The following LAMA2 variants were observed in gnomAD, a reference collection of about 807,000 sequenced individuals.
LAMA2 encodes the protein laminin subunit alpha 2.
A neutral mutation model predicts 364.8 loss-of-function variants in LAMA2; 269 were observed. The observed-to-expected ratio is 0.74, with a 90% CI of 0.67 to 0.82. The LOEUF (loss-of-function observed/expected upper bound fraction) is 0.82. Ranked by LOEUF, LAMA2 falls within the 40% of genes least tolerant of loss-of-function variation. LAMA2 has a pLI of 0.00. For synonymous variants in LAMA2, 1,379 were observed against 1,370.6 expected, an observed-to-expected ratio of 1.01 and a Z score of -0.14; for missense variants, 3,807 against 3,873.2, an observed-to-expected ratio of 0.98 and a Z score of 0.45.
intron 35 of LAMA2, 73 bp from the exon 36 acceptor site, chr6:129,391,418 C>A: frequency 8.0e-7 from 1 of 1,242,690 alleles, no homozygotes; most frequent in Non-Finnish European, 1.2e-6. Flanking sequence ...TGGTGCCCAG[C>A]AGATGCTGAA....
At chr6:129,028,527 A>T (rs1785995575) in intron 1 of LAMA2, among the ~76,000 whole-genome samples, 1 of 151,854 alleles carries the variant, frequency 6.6e-6, no homozygotes, top group African/African-American at 2.4e-5. Context: ...ACAAAGACAA[A>T]ATATATATCT....
Position 129,514,591 on chromosome 6 carries a change from C to T in LAMA2, c.9207C>T (p.Phe3069=). The T allele has an allele frequency of 6.2e-7, 1 of 1,613,232 alleles. No homozygotes were observed. Among genetic ancestry groups the T allele is most frequent in the Non-Finnish European group, 8.5e-7 (1 of 1,179,436 alleles). The change falls in exon 64 of 65, where the codon TTC becomes TTT. Residue 3069 remains phenylalanine, a synonymous_variant. Coordinates refer to ENST00000421865, the MANE Select transcript of LAMA2 (RefSeq NM_000426.4). ...ATGACCCTGTGTTTGTTGGAGGCTT[C>T]CCAGGTGAGTGTTGGCTACCCCAGC... ...DTNDPVFVGG[F]PDDLKQFGLT... is the part of the protein sequence containing the mutation.
intron 8 of LAMA2, 124 bp downstream of exon 8, chr6:129,154,807 A>G: frequency 1.3e-6 from 1 of 785,972 alleles, no homozygotes; most frequent in Non-Finnish European, 2.1e-6. Context: ...TTAAAAGGTA[A>G]GTAGGAACAT....
At chr6:129,397,226 C>T (rs1205656236) in intron 37 of LAMA2, among the ~76,000 whole-genome samples, 2 of 152,024 alleles carry the variant, frequency 1.3e-5, no homozygotes, top group South Asian at 2.1e-4. Flanking sequence ...TATACTTATG[C>T]CATACTTTTT....
At chr6:129,103,668 G>A (rs1450728770) in intron 4 of LAMA2, among the ~76,000 whole-genome samples, 1 of 152,076 alleles carries the variant, frequency 6.6e-6, no homozygotes, top group Non-Finnish European at 1.5e-5. Flanking sequence ...TGGGCTTCTG[G>A]ATTTTGGGAA....
Position 129,402,326 on chromosome 6 carries a change from T to C in LAMA2, c.5565T>C (p.Tyr1855=). The change falls in exon 39 of 65, where the codon TAT becomes TAC. Residue 1855 remains tyrosine, a splice_region_variant and synonymous_variant. Transcript: ENST00000421865. Reference sequence around the variant, plus strand: ...ATGCCCTCTTCTCTACATATCAGTATGTTGAAGACATCCAAACTAAATTGC... The same window carrying C: ...ATGCCCTCTTCTCTACATATCAGTACGTTGAAGACATCCAAACTAAATTGC... ...LADEINSIID[Y]VEDIQTKLPP... 6.2e-7 allele frequency: 1 copy of C among 1,613,170 alleles called. No individual in the cohort carries two copies. The highest frequency in any genetic ancestry group is 8.5e-7 in the Non-Finnish European group (1 of 1,179,282).
chr6:128,946,595 A>G lies in LAMA2; in HGVS notation c.112+63238A>G, dbSNP rs79168236. On this transcript the variant is annotated intron_variant, in intron 1 of 64. Coordinates refer to ENST00000421865, the MANE Select transcript of LAMA2 (RefSeq NM_000426.4). ...GTTCAACCGTCATAAATTGATGACT[A>G]TCTGTACCACCAAATAGCCCATTAC... Among the ~76,000 whole-genome samples, 860 of 152,336 alleles carry G rather than the reference A, an allele frequency of 5.6e-3. 10 individuals carry two copies. Among genetic ancestry groups the G allele is most frequent in the Non-Finnish European group, 8.3e-3 (568 of 68,030 alleles).
intron 1 of LAMA2, among the ~76,000 whole-genome samples, chr6:128,935,378 C>T (rs1779755840): frequency 6.6e-6 from 1 of 152,102 alleles, no homozygotes; most frequent in African/African-American, 2.4e-5. Flanking sequence ...ATCCATGTCC[C>T]TGCAAAGGAC....
At chr6:128,916,842 A>G (rs149985545) in intron 1 of LAMA2, among the ~76,000 whole-genome samples, 2 of 152,316 alleles carry the variant, frequency 1.3e-5, no homozygotes, top group Non-Finnish European at 2.9e-5. Flanking sequence ...TTGGCCCTCC[A>G]GCTGGATCTT....
intron 6 of LAMA2, among the ~76,000 whole-genome samples, chr6:129,147,416 C>A (rs1778533211): frequency 1.3e-5 from 2 of 149,448 alleles, no homozygotes; most frequent in African/African-American, 4.9e-5. Context: ...AAAATTAATG[C>A]AAATGAGTAA....
In LAMA2 at chr6:129,445,804, C is replaced by T. The variant is rs780662184; in HGVS notation, c.6412C>T (p.Arg2138Trp). ...GATAAAGGAATTGATAAACCAAGCT[C>T]GGAAACAAGCCAATTCTGTAAGTTC... is the stretch of plus-strand genomic sequence containing the variant. Reference protein sequence around the residue: ...SEIKELINQARKQANSIKVSV... With the variant: ...SEIKELINQAWKQANSIKVSV... Residue 2138 changes from arginine to tryptophan, a missense_variant, in exon 45 of 65, where the codon CGG becomes TGG. Arg to Trp is a moderately radical substitution (Grantham distance 101). Around this residue, in one of 3 missense-constraint regions of LAMA2, gnomAD observed 3,333 missense variants for 3,345.7 expected, o/e 1.00. Coordinates refer to ENST00000421865, the MANE Select transcript of LAMA2 (RefSeq NM_000426.4). The T allele has an allele frequency of 8.1e-6, 13 of 1,613,460 alleles. No homozygotes were observed. The highest frequency in any genetic ancestry group is 2.2e-5 in the South Asian group (2 of 91,044).
intron 56 of LAMA2, among the ~76,000 whole-genome samples, chr6:129,488,272 T>C (rs529056155): frequency 6.6e-6 from 1 of 152,082 alleles, no homozygotes; most frequent in Non-Finnish European, 1.5e-5. Context: ...ATCGCACCAC[T>C]GCACTCCAGC....
chr6:129,384,335 A>G (rs1247484829), intron 35 of LAMA2, among the ~76,000 whole-genome samples: 2 of 152,178 alleles, frequency 1.3e-5, no homozygotes, highest in East Asian at 3.9e-4. Flanking sequence ...CTGCAGGTAG[A>G]GCACCTTCAC....
rs73773662 is a variant in LAMA2, at chr6:129,072,728, A to G, written c.396+12832A>G. 5.7e-3 allele frequency among the ~76,000 whole-genome samples: 868 copies of G among 151,882 alleles called. 3 individuals carry two copies. The highest frequency in any genetic ancestry group is 0.02 in the African/African-American group (822 of 41,422). On this transcript the variant is annotated intron_variant, in intron 3 of 64. Coordinates refer to ENST00000421865, the MANE Select transcript of LAMA2 (RefSeq NM_000426.4). ...TAGCTTGTCTTCTGTGAAGTCTTTT[A>G]TTACTCATACTAATTACCATAAATA...
At chr6:129,401,387 G>A (rs903065007) in intron 38 of LAMA2, 47 bp downstream of exon 38, 7 of 1,179,046 alleles carry the variant, frequency 5.9e-6, no homozygotes, top group Non-Finnish European at 8.9e-6. Flanking sequence ...TGAATAAATG[G>A]GAGCCGATGA....
chr6:129,486,078 A>G (rs1345309290), intron 55 of LAMA2, among the ~76,000 whole-genome samples: 2 of 152,234 alleles, frequency 1.3e-5, no homozygotes. Flanking sequence ...AATACTCAGA[A>G]TGCCACAAGG....
chr6:129,021,632 T>A (rs1785457295), intron 1 of LAMA2, among the ~76,000 whole-genome samples: 1 of 152,176 alleles, frequency 6.6e-6, no homozygotes, highest in African/African-American at 2.4e-5. Context: ...GCCCTGAGCA[T>A]CCCTTTGAAT....
intron 37 of LAMA2, among the ~76,000 whole-genome samples, chr6:129,394,105 A>G (rs1404437463): frequency 6.6e-6 from 1 of 152,220 alleles, no homozygotes; most frequent in African/African-American, 2.4e-5. Flanking sequence ...CACTTTTCCT[A>G]AGAGTAAACT....
intron 1 of LAMA2, among the ~76,000 whole-genome samples, chr6:128,992,317 C>T (rs908149738): frequency 3.9e-5 from 6 of 152,164 alleles, no homozygotes; most frequent in South Asian, 2.1e-4. Flanking sequence ...ATAGCAGGAG[C>T]GGGTACCCAA....
Sources: allele counts gnomAD v4.1 joint callset (sites outside exome capture counted in the v4.1 genomes callset), GRCh38; gene constraint gnomAD v4.1.1; regional missense constraint gnomAD v4.1.1; transcripts MANE v1.5; gene names NCBI Gene and HGNC (gene_info 2026-07-23, HGNC 2026-07-21).